The following SLC1A2 variants were observed in gnomAD, a reference collection of about 807,000 sequenced individuals.
SLC1A2 encodes excitatory amino acid transporter 2.
In SLC1A2, 15 loss-of-function variants were observed where a neutral mutation model predicts 48.8. That is an observed-to-expected ratio of 0.31 (90% CI 0.21 to 0.47). The LOEUF (loss-of-function observed/expected upper bound fraction) is 0.47, where lower values mean the gene tolerates loss of function less well. SLC1A2 is among the 20% of genes least tolerant of loss of function. The probability of loss-of-function intolerance (pLI) is 0.99; values close to 1 mark genes in which losing one functional copy is unlikely to be tolerated. For missense variants in SLC1A2, 502 were observed against 730.5 expected, an observed-to-expected ratio of 0.69 and a Z score of 3.61; for synonymous variants, 279 against 272.6, an observed-to-expected ratio of 1.02 and a Z score of -0.23.
At chr11:35,371,008 C>T in intron 1 of SLC1A2, 5 of 985,016 alleles carry the variant, frequency 5.1e-6, no homozygotes, top group Non-Finnish European at 6.0e-6. Flanking sequence ...TGGCATCTTC[C>T]TCTCTCATTC....
intron 1 of SLC1A2, among the ~76,000 whole-genome samples, chr11:35,344,209 C>T (rs1166804565): frequency 2.0e-5 from 3 of 152,070 alleles, no homozygotes; most frequent in Non-Finnish European, 2.9e-5. Flanking sequence ...GGCTTACATA[C>T]TGAAAGAGGG....
chr11:35,314,370 C>A (rs924272551), intron 3 of SLC1A2, among the ~76,000 whole-genome samples: 1 of 152,058 alleles, frequency 6.6e-6, no homozygotes, highest in Non-Finnish European at 1.5e-5. Flanking sequence ...CATCTATTAC[C>A]TTTATCAGTA....
intron 1 of SLC1A2, among the ~76,000 whole-genome samples, chr11:35,373,498 A>C (rs2135174573): frequency 6.6e-6 from 1 of 152,228 alleles, no homozygotes; most frequent in African/African-American, 2.4e-5. Flanking sequence ...GCTGTGGGTG[A>C]GAGCAGAAGG....
chr11:35,419,157 A>C lies in SLC1A2; in HGVS notation c.-191T>G. On this transcript the variant is annotated 5_prime_UTR_variant, in exon 1 of 11. Coordinates refer to ENST00000278379, the MANE Select transcript of SLC1A2 (RefSeq NM_004171.4). The surrounding 1 kb of genome is among the most constrained non-coding windows in gnomAD (Gnocchi z 5.4). Reference sequence around the variant, plus strand: ...GCGCAGGAGGCTCCTGCGGGCGCTAATCCGCGTCCCGGCTCTCCACGGCGC... The same window carrying C: ...GCGCAGGAGGCTCCTGCGGGCGCTACTCCGCGTCCCGGCTCTCCACGGCGC... 1 of 477,008 alleles carries C rather than the reference A, an allele frequency of 2.1e-6. No homozygotes were observed. Among genetic ancestry groups the C allele is most frequent in the East Asian group, 3.6e-5 (1 of 27,690 alleles). 29.5% of individuals were successfully genotyped at this position (477,008 alleles called of 1,614,324 possible). A position where few individuals can be genotyped will look rare whatever the true frequency, so the allele number is the denominator to read the frequency against.
intron 1 of SLC1A2, among the ~76,000 whole-genome samples, chr11:35,400,776 A>G (rs1855113643): frequency 6.6e-6 from 1 of 152,322 alleles, no homozygotes; most frequent in Middle Eastern, 3.4e-3. Context: ...AAAAGTGTCA[A>G]ACTCTGTAAA....
intron 9 of SLC1A2, among the ~76,000 whole-genome samples, chr11:35,268,638 C>T (rs544881183): frequency 6.7e-6 from 1 of 149,792 alleles, no homozygotes; most frequent in East Asian, 2.0e-4. Flanking sequence ...ACACTCCAGT[C>T]TGGGCAAGAG....
chr11:35,355,815 G>A (rs1259292239), intron 1 of SLC1A2, among the ~76,000 whole-genome samples: 2 of 150,878 alleles, frequency 1.3e-5, no homozygotes, highest in Non-Finnish European at 2.9e-5. Flanking sequence ...AACCTGGGAA[G>A]CAGAGGTTGC....
At chr11:35,354,236 G>A (rs142202620) in intron 1 of SLC1A2, among the ~76,000 whole-genome samples, 139 of 152,160 alleles carry the variant, frequency 9.1e-4, no homozygotes, top group African/African-American at 3.2e-3. Context: ...AGGATTGGTT[G>A]GGACCAGGAG....
chr11:35,392,195 T>C (rs1333564946), intron 1 of SLC1A2: 3 of 152,242 alleles, frequency 2.0e-5, no homozygotes, highest in Non-Finnish European at 4.4e-5. Context: ...TAAGTGTTTG[T>C]ACAATTAAAA....
At chr11:35,365,594 C>T (rs1853815002) in intron 1 of SLC1A2, among the ~76,000 whole-genome samples, 2 of 69,500 alleles carry the variant, frequency 2.9e-5, no homozygotes, top group African/African-American at 1.7e-4. Context: ...AAACCCCGCT[C>T]TGCTGTCTCT....
chr11:35,296,856 G>A (rs1003973498), intron 6 of SLC1A2, among the ~76,000 whole-genome samples: 3 of 151,926 alleles, frequency 2.0e-5, no homozygotes, highest in African/African-American at 7.3e-5. Context: ...ATTACTATTC[G>A]AATTAATAAT....
intron 1 of SLC1A2, among the ~76,000 whole-genome samples, chr11:35,375,185 C>T (rs527812024): frequency 2.0e-5 from 3 of 152,194 alleles, no homozygotes; most frequent in South Asian, 2.1e-4. Flanking sequence ...TAAAGTAGTG[C>T]CCTGCAGAGA....
At chr11:35,274,561 T>TTGTGTG (rs199559536) in intron 9 of SLC1A2, among the ~76,000 whole-genome samples, 1 of 150,492 alleles carries the variant, frequency 6.6e-6, no homozygotes, top group Non-Finnish European at 1.5e-5. Context: ...TTAGTTAAGT[T>TTGTGTG]TGTGTGTGTG....
rs915137992 is a variant in SLC1A2 at position 35,414,990 on chromosome 11, C to T, written c.17+3960G>A. ...TGTGTGACACAGCCATGGAGGAGGG[C>T]AGGGAGGGGAGGATTTACATTGAAA... On this transcript the variant is annotated intron_variant, in intron 1 of 10. Transcript: ENST00000278379. Among the ~76,000 whole-genome samples the T allele has an allele frequency of 4.6e-5, 7 of 152,086 alleles. No individual in the cohort carries two copies. The East Asian group carries it at 1.3e-3, about 29-fold the overall frequency.
chr11:35,277,975 A>G (rs1342190065), intron 9 of SLC1A2, among the ~76,000 whole-genome samples: 1 of 152,016 alleles, frequency 6.6e-6, no homozygotes, highest in East Asian at 1.9e-4. Context: ...ATACACCACC[A>G]TTGACTCTCA....
rs572885988 is a variant in SLC1A2, at chr11:35,341,630, A to G, written c.18-24114T>C. ...TTGACAAAACATCTTTAAAAAGTTG[A>G]CAACATCTGTGATTGCCAAGGACAG... On this transcript the variant is annotated intron_variant, in intron 1 of 10. Transcript: ENST00000278379. Among the ~76,000 whole-genome samples, 5 of 152,374 alleles carry G rather than the reference A, an allele frequency of 3.3e-5. No individual in the cohort carries two copies. The East Asian group carries it at 9.6e-4, about 29-fold the overall frequency.
At chr11:35,407,256 C>G (rs1433649229) in intron 1 of SLC1A2, among the ~76,000 whole-genome samples, 1 of 152,172 alleles carries the variant, frequency 6.6e-6, no homozygotes, top group East Asian at 1.9e-4. Context: ...TCCTCCCTGT[C>G]CCTTCTGAGT....
chr11:35,352,645 G>A (rs941106492), intron 1 of SLC1A2, among the ~76,000 whole-genome samples: 3 of 152,184 alleles, frequency 2.0e-5, no homozygotes, highest in African/African-American at 7.2e-5. Context: ...TCTCACCCCT[G>A]TCTAGAATTG....
chr11:35,411,690 G>C (rs561704628), intron 1 of SLC1A2, among the ~76,000 whole-genome samples: 1 of 137,082 alleles, frequency 7.3e-6, no homozygotes, highest in East Asian at 2.2e-4. Context: ...TGATATCTAA[G>C]AGAGAAGAAT....
Sources: gnomAD v4.1 joint callset for allele counts (sites outside exome capture counted in the v4.1 genomes callset) on GRCh38, gnomAD v4.1.1 for gene constraint, Gnocchi (gnomAD v3.1) non-coding constraint, MANE v1.5 for transcripts, NCBI Gene and HGNC (gene_info 2026-07-23, HGNC 2026-07-21) for gene names.